SEMA3A: variants seen among roughly 807,000 people sequenced by gnomAD.
The protein encoded by SEMA3A is semaphorin 3A.
Under a neutral mutation model 97.9 loss-of-function variants are expected in SEMA3A, and 29 were observed. The ratio of observed to expected loss-of-function variants is 0.30; its 90% CI spans 0.22 to 0.40. The LOEUF (loss-of-function observed/expected upper bound fraction) is 0.40. Ranked by LOEUF, SEMA3A falls within the 10% of genes least tolerant of loss-of-function variation. SEMA3A has a pLI of 1.00. For synonymous variants in SEMA3A, 321 were observed against 323.7 expected (o/e 0.99, Z 0.09); for missense variants, 763 against 951.3 (o/e 0.80, Z 2.60).
chr7:84,243,755 T>A (rs1799419217), intron 3 of SEMA3A, among the ~76,000 whole-genome samples: 1 of 152,108 alleles, frequency 6.6e-6, no homozygotes, highest in Non-Finnish European at 1.5e-5. Flanking sequence ...AATTTCCCTC[T>A]AAACACTGCT....
chr7:84,361,361 T>C (rs1235362280), intron 2 of SEMA3A, among the ~76,000 whole-genome samples: 1 of 151,964 alleles, frequency 6.6e-6, no homozygotes, highest in Non-Finnish European at 1.5e-5. Context: ...CCAGTTATTA[T>C]AATATTCCTG....
At chr7:84,405,786 T>G (rs896713981) in intron 1 of SEMA3A, among the ~76,000 whole-genome samples, 5 of 152,146 alleles carry the variant, frequency 3.3e-5, no homozygotes, top group Non-Finnish European at 7.3e-5. Context: ...AACAACATGC[T>G]CCTGAATGAC....
intron 4 of SEMA3A, among the ~76,000 whole-genome samples, chr7:84,078,664 T>A (rs1262410328): frequency 4.6e-5 from 7 of 152,072 alleles, no homozygotes; most frequent in Non-Finnish European, 7.4e-5. Flanking sequence ...AACTCTAGTT[T>A]AATTGTCATA....
chr7:84,019,638 C>T (rs1046706125), intron 6 of SEMA3A, among the ~76,000 whole-genome samples: 2 of 152,078 alleles, frequency 1.3e-5, no homozygotes, highest in Non-Finnish European at 2.9e-5. Flanking sequence ...ATTCTTTAAA[C>T]TAGAGGACTT....
At chr7:84,066,307 C>A (rs1196937984) in intron 4 of SEMA3A, among the ~76,000 whole-genome samples, 1 of 152,036 alleles carries the variant, frequency 6.6e-6, no homozygotes, top group Non-Finnish European at 1.5e-5. Flanking sequence ...AACCCACATC[C>A]AATATCATAC....
intron 4 of SEMA3A, among the ~76,000 whole-genome samples, chr7:84,091,159 GGAAGGAAGGAAA>G (rs1395627335): frequency 1.3e-3 from 32 of 25,126 alleles, no homozygotes; most frequent in African/African-American, 4.4e-3. Flanking sequence ...AAGGAAGGAA[GGAAGGAAGGAAA>G]GAAAGAAAGA....
intron 3 of SEMA3A, among the ~76,000 whole-genome samples, chr7:84,265,508 AT>A (rs1799969809): frequency 6.8e-6 from 1 of 147,466 alleles, no homozygotes; most frequent in Non-Finnish European, 1.5e-5. Flanking sequence ...TATCATATAT[AT>A]ATAAAATATA....
chr7:84,420,188 G>GAA (rs76093080), intron 1 of SEMA3A, among the ~76,000 whole-genome samples: 1 of 144,174 alleles, frequency 6.9e-6, no homozygotes, highest in Non-Finnish European at 1.5e-5. Flanking sequence ...TCATTCACAG[G>GAA]AAAAAAAAAA....
chr7:84,455,458 TTTGA>T lies in SEMA3A; in HGVS notation c.-246+36998_-246+37001del, dbSNP rs1275179076. Among the ~76,000 whole-genome samples the T allele has an allele frequency of 5.3e-5, 8 of 152,084 alleles. 1 individual carries two copies. In the East Asian group the frequency reaches 9.6e-4, roughly 18 times the overall value. ...AATATTTCTAAATGTTCAATATATGTTTGATTAATAAAAATATTTTATAACCTCT... is the reference window on the plus strand; with the variant it reads ...AATATTTCTAAATGTTCAATATATGTTTAATAAAAATATTTTATAACCTCT... On this transcript the variant is annotated intron_variant, in intron 1 of 3. Coordinates refer to the SEMA3A transcript ENST00000424555.
At chr7:84,239,029 G>T (rs1799300150) in intron 3 of SEMA3A, among the ~76,000 whole-genome samples, 1 of 152,144 alleles carries the variant, frequency 6.6e-6, no homozygotes, top group Non-Finnish European at 1.5e-5. Context: ...AAACTACAAT[G>T]ATTTAAAGCC....
At chr7:84,390,754 T>A (rs1256603042) in intron 1 of SEMA3A, among the ~76,000 whole-genome samples, 2 of 152,084 alleles carry the variant, frequency 1.3e-5, no homozygotes, top group African/African-American at 4.8e-5. Flanking sequence ...CTTATTAAGA[T>A]TTAGTGAAAT....
chr7:84,227,982 G>T (rs1799029066), intron 3 of SEMA3A, among the ~76,000 whole-genome samples: 1 of 151,830 alleles, frequency 6.6e-6, no homozygotes, highest in Admixed American at 6.6e-5. Context: ...AAAGGAAACA[G>T]ATAATGAGAT....
At chr7:84,288,463 C>T (rs1269228406) in intron 3 of SEMA3A, among the ~76,000 whole-genome samples, 1 of 151,914 alleles carries the variant, frequency 6.6e-6, no homozygotes, top group Non-Finnish European at 1.5e-5. Flanking sequence ...TTTGGGGGGC[C>T]AAGGCGGATG....
intron 1 of SEMA3A, among the ~76,000 whole-genome samples, chr7:84,140,531 T>C (rs1226820538): frequency 1.3e-5 from 2 of 152,202 alleles, no homozygotes; most frequent in African/African-American, 4.8e-5. Flanking sequence ...TATTCATTGA[T>C]GGCTTTAGGC....
intron 15 of SEMA3A, among the ~76,000 whole-genome samples, chr7:83,970,121 A>C (rs573056485): frequency 6.6e-6 from 1 of 152,344 alleles, no homozygotes; most frequent in East Asian, 1.9e-4. Flanking sequence ...ACAAAACATT[A>C]AAATTATTTT....
intron 2 of SEMA3A, among the ~76,000 whole-genome samples, chr7:84,368,327 C>A (rs940341809): frequency 6.6e-6 from 1 of 151,026 alleles, no homozygotes. Flanking sequence ...AAGTGACCCG[C>A]ATGTCACAAC....
intron 6 of SEMA3A, among the ~76,000 whole-genome samples, chr7:84,021,934 C>A (rs1257630501): frequency 6.6e-6 from 1 of 151,254 alleles, no homozygotes; most frequent in East Asian, 2.0e-4. Context: ...GCTACTATTT[C>A]TGCAAGATAT....
At chr7:84,119,025 C>T (rs1562793659) in intron 3 of SEMA3A, among the ~76,000 whole-genome samples, 2 of 151,990 alleles carry the variant, frequency 1.3e-5, no homozygotes, top group Admixed American at 1.3e-4. Flanking sequence ...TACACACATG[C>T]TTGTTGTAAG....
rs571466576 is a variant in SEMA3A at position 83,977,787 on chromosome 7, C to A, written c.1653-591G>T. 1.0e-3 allele frequency among the ~76,000 whole-genome samples: 120 copies of A among 119,868 alleles called. 1 individual carries two copies. Among genetic ancestry groups the A allele is most frequent in the African/African-American group, 3.7e-3 (119 of 32,532 alleles). 78.6% of individuals were successfully genotyped at this position (119,868 alleles called of 152,430 possible). A position where few individuals can be genotyped will look rare whatever the true frequency, so the allele number is the denominator to read the frequency against. ...TTTCTTGGTTATTGTATCAACCTAT[C>A]CTTTTTTTTTTTCTTTCTTTCTTTT... On this transcript the variant is annotated intron_variant, in intron 14 of 16. Transcript: ENST00000265362.
Sources: gnomAD v4.1 joint callset for allele counts (sites outside exome capture counted in the v4.1 genomes callset) on GRCh38, gnomAD v4.1.1 for gene constraint, MANE v1.5 for transcripts, NCBI Gene and HGNC (gene_info 2026-07-23, HGNC 2026-07-21) for gene names.